ZNF341: variants seen among roughly 807,000 people sequenced by gnomAD.
ZNF341 encodes the protein zinc finger protein 341.
A neutral mutation model predicts 87.7 loss-of-function variants in ZNF341; 52 were observed. The observed-to-expected ratio is 0.59, with a 90% CI of 0.47 to 0.75. The LOEUF (loss-of-function observed/expected upper bound fraction) is 0.75, where lower values mean the gene tolerates loss of function less well. ZNF341 is among the 30% of genes least tolerant of loss of function. The pLI is 0.00. For missense variants in ZNF341, 977 were observed against 1,145.9 expected, an observed-to-expected ratio of 0.85 and a Z score of 2.13; for synonymous variants, 459 against 472.7, an observed-to-expected ratio of 0.97 and a Z score of 0.38.
At chr20:33,762,127 G>A in intron 8 of ZNF341, 72 bp downstream of exon 8, 1 of 1,436,634 alleles carries the variant, frequency 7.0e-7, no homozygotes, top group South Asian at 1.5e-5. Context: ...ATTGCTAGCT[G>A]TGTGACCTTG....
At chr20:33,779,490 G>A (rs972396671) in intron 10 of ZNF341, among the ~76,000 whole-genome samples, 9 of 138,856 alleles carry the variant, frequency 6.5e-5, no homozygotes, top group South Asian at 4.4e-4. Flanking sequence ...TCACTGTGTC[G>A]CCCAGGCTGG....
At chr20:33,789,429 CTGTCCCT>C (rs959290771) in intron 13 of ZNF341, 82 bp from the exon 14 acceptor site, 2 of 1,359,066 alleles carry the variant, frequency 1.5e-6, no homozygotes, top group Admixed American at 3.4e-5. Context: ...GTGGACAAGG[CTGTCCCT>C]TGTGCCCAGG....
chr20:33,791,790 A>G lies in ZNF341; in HGVS notation c.*273A>G. On this transcript the variant is annotated 3_prime_UTR_variant, in exon 15 of 15. Coordinates refer to ENST00000375200, the MANE Select transcript of ZNF341 (RefSeq NM_001282933.2). The stretch of plus-strand genomic sequence containing the variant: ...GCAGGAGAGAGATGGCTGAAGCCTG[A>G]GCAGCCCAGAGTCCCGCTGGTCTAG... 2.4e-6 allele frequency: 1 copy of G among 421,974 alleles called. No homozygotes were observed. The highest frequency in any genetic ancestry group is 3.8e-5 in the Admixed American group (1 of 26,542). 26.1% of individuals were successfully genotyped at this position (421,974 alleles called of 1,614,324 possible).
intron 3 of ZNF341, among the ~76,000 whole-genome samples, chr20:33,746,008 G>A (rs1242297816): frequency 1.4e-5 from 2 of 143,108 alleles, no homozygotes; most frequent in Non-Finnish European, 3.0e-5. Context: ...TCGGCTCACC[G>A]CAAGCTCCGC....
chr20:33,751,462 T>TGTGTTTG (rs1167739368), intron 4 of ZNF341, among the ~76,000 whole-genome samples: 1 of 151,444 alleles, frequency 6.6e-6, no homozygotes, highest in African/African-American at 2.4e-5. Flanking sequence ...TGGGGAGAGG[T>TGTGTTTG]TGCACAAAAC....
intron 10 of ZNF341, among the ~76,000 whole-genome samples, chr20:33,773,877 C>G (rs1229301005): frequency 6.6e-6 from 1 of 152,092 alleles, no homozygotes; most frequent in East Asian, 1.9e-4. Flanking sequence ...TTTCTGTTCC[C>G]TGTCAGCCAC....
intron 10 of ZNF341, among the ~76,000 whole-genome samples, chr20:33,771,652 T>C (rs182461682): frequency 2.0e-5 from 3 of 152,124 alleles, no homozygotes; most frequent in African/African-American, 4.8e-5. Flanking sequence ...ATTGTGGTCA[T>C]GAAGAGGGTC....
chr20:33,788,739 G>A (rs750264755), intron 12 of ZNF341, 124 bp from the exon 13 acceptor site: 1 of 745,462 alleles, frequency 1.3e-6, no homozygotes, highest in South Asian at 1.5e-5. Context: ...AATGAGAGAG[G>A]CTATTTTCTC....
intron 7 of ZNF341, among the ~76,000 whole-genome samples, chr20:33,759,550 C>T (rs1271534030): frequency 6.6e-6 from 1 of 152,144 alleles, no homozygotes; most frequent in Non-Finnish European, 1.5e-5. Flanking sequence ...TCCCAAAGTA[C>T]TGGAATTACA....
chr20:33,745,569 A>G (rs1231957177), intron 3 of ZNF341, among the ~76,000 whole-genome samples: 2 of 152,186 alleles, frequency 1.3e-5, no homozygotes, highest in East Asian at 1.9e-4. Context: ...AGAATACTAT[A>G]TAGCAGGTAA....
At chr20:33,777,041 C>T (rs746482746) in intron 10 of ZNF341, among the ~76,000 whole-genome samples, 21 of 149,258 alleles carry the variant, frequency 1.4e-4, no homozygotes, top group Non-Finnish European at 2.8e-4. Context: ...GGGCTCTGTG[C>T]GGTGGCTCAT....
chr20:33,741,041 GAGAGTGAATGGCTCCCCGCGA>G, intron 2 of ZNF341, 29 bp downstream of exon 2: 1 of 1,594,456 alleles, frequency 6.3e-7, no homozygotes, highest in Admixed American at 1.7e-5. Context: ...TCACCGGTGG[GAGAGTGAATGGCTCCCCGCGA>G]AGAGTAGGTG....
intron 4 of ZNF341, among the ~76,000 whole-genome samples, chr20:33,750,789 C>A (rs1057498752): frequency 1.3e-5 from 2 of 152,098 alleles, no homozygotes; most frequent in African/African-American, 2.4e-5. Context: ...TACAGGCACC[C>A]GCCACCATGT....
At position 33,791,540 on chromosome 20, in the gene ZNF341, T is replaced by C. The variant is rs752714511; in HGVS notation, c.*23T>C. ...TGACGGACCTGAGGTGTCTGTTTCCTGGGCAGGCCTGATGCTCCTGTTTGG... is the reference window on the plus strand; with the variant it reads ...TGACGGACCTGAGGTGTCTGTTTCCCGGGCAGGCCTGATGCTCCTGTTTGG... On this transcript the variant is annotated 3_prime_UTR_variant, in exon 15 of 15. Transcript: ENST00000375200. 4 of 1,520,878 alleles carry C rather than the reference T, an allele frequency of 2.6e-6. No individual in the cohort carries two copies. In the South Asian group the frequency reaches 3.7e-5, roughly 14 times the overall value. The allele number at this position is 1,520,878 out of a possible 1,614,324, so 94.2% of individuals were successfully genotyped here.
chr20:33,775,308 C>G (rs893314442), intron 10 of ZNF341, among the ~76,000 whole-genome samples: 1 of 150,538 alleles, frequency 6.6e-6, no homozygotes, highest in African/African-American at 2.4e-5. Flanking sequence ...CTCCCAGGTT[C>G]AAGTGATTCT....
At chr20:33,781,464 C>T in intron 11 of ZNF341, 77 bp downstream of exon 11, 1 of 1,305,440 alleles carries the variant, frequency 7.7e-7, no homozygotes, top group South Asian at 1.2e-5. Flanking sequence ...CACACCTCAC[C>T]CTTTCCTTCT....
At chr20:33,746,469 T>C (rs2122648738) in intron 3 of ZNF341, among the ~76,000 whole-genome samples, 1 of 152,084 alleles carries the variant, frequency 6.6e-6, no homozygotes, top group African/African-American at 2.4e-5. Flanking sequence ...CCTGACCTTG[T>C]GATCTCCCCG....
chr20:33,782,687 G>A (rs996110243), intron 11 of ZNF341, among the ~76,000 whole-genome samples: 2 of 152,202 alleles, frequency 1.3e-5, no homozygotes, highest in African/African-American at 4.8e-5. Flanking sequence ...AACCAAGGCA[G>A]AAAGGTCACC....
chr20:33,757,174 A>G lies in ZNF341; in HGVS notation c.768A>G (p.Pro256=), dbSNP rs1196674775. The change falls in exon 6 of 15, where the codon CCA becomes CCG. Residue 256 remains proline (P), a synonymous_variant. Transcript: ENST00000375200. ...TGCCAAACCAGTGTGTGGAGCCTCC[A>G]GTATATCCCACCCCCACAGTGTACA... ...LEVPNQCVEP[P]VYPTPTVYSP... The G allele has an allele frequency of 4.7e-6, 7 of 1,486,438 alleles. No individual in the cohort carries two copies. The highest frequency in any genetic ancestry group is 5.2e-5 in the East Asian group (2 of 38,488). 92.1% of individuals were successfully genotyped at this position (1,486,438 alleles called of 1,614,324 possible).
Sources: allele counts gnomAD v4.1 joint callset (sites outside exome capture counted in the v4.1 genomes callset), GRCh38; gene constraint gnomAD v4.1.1; transcripts MANE v1.5; gene names NCBI Gene and HGNC (gene_info 2026-07-23, HGNC 2026-07-21).